CSMD1: variants seen among roughly 807,000 people sequenced by gnomAD.
CSMD1 encodes CUB and Sushi multiple domains 1.
A neutral mutation model predicts 417.5 loss-of-function variants in CSMD1; 213 were observed. The ratio of observed to expected loss-of-function variants is 0.51; its 90% CI spans 0.46 to 0.57. CSMD1 has a LOEUF of 0.57. Among genes scored for constraint, CSMD1 ranks in the 20% least tolerant of loss-of-function variants. CSMD1 has a pLI of 0.00. For synonymous variants in CSMD1, 2,862 were observed against 1,736.8 expected (o/e 1.65, Z -16.11); for missense variants, 6,923 against 4,529.7 (o/e 1.53, Z -15.17).
At chr8:3,060,184 C>T (rs570375353) in intron 49 of CSMD1, among the ~76,000 whole-genome samples, 3 of 145,404 alleles carry the variant, frequency 2.1e-5, no homozygotes, top group South Asian at 2.2e-4. Context: ...CTCACTCTGT[C>T]GCCCAGGCTG....
intron 12 of CSMD1, among the ~76,000 whole-genome samples, chr8:3,459,758 T>A (rs1315939964): frequency 2.0e-5 from 3 of 152,014 alleles, no homozygotes; most frequent in Admixed American, 1.3e-4. Flanking sequence ...TGCCGGCACA[T>A]GAACAGATTT....
chr8:3,066,316 A>G (rs964177630), intron 49 of CSMD1, among the ~76,000 whole-genome samples: 2 of 152,248 alleles, frequency 1.3e-5, no homozygotes, highest in African/African-American at 4.8e-5. Flanking sequence ...TGAAAATCTC[A>G]TAGTTTTAGC....
chr8:3,997,324 C>T (rs944506225), intron 5 of CSMD1, among the ~76,000 whole-genome samples: 3 of 152,162 alleles, frequency 2.0e-5, no homozygotes, highest in Admixed American at 6.5e-5. Context: ...ATCTTGTTTT[C>T]CTTTGTCTCT....
chr8:4,975,713 G>A (rs1014267309), intron 1 of CSMD1, among the ~76,000 whole-genome samples: 1 of 152,074 alleles, frequency 6.6e-6, no homozygotes, highest in Non-Finnish European at 1.5e-5. Context: ...AGCTCTTCAG[G>A]GTTTCATCTG....
chr8:3,862,974 G>A (rs901773418), intron 5 of CSMD1, among the ~76,000 whole-genome samples: 7 of 152,168 alleles, frequency 4.6e-5, no homozygotes, highest in African/African-American at 1.7e-4. Flanking sequence ...GGAGTCTGGA[G>A]ATTCCAATAT....
intron 2 of CSMD1, among the ~76,000 whole-genome samples, chr8:4,424,973 TAATC>T (rs2128942622): frequency 6.6e-6 from 1 of 152,080 alleles, no homozygotes; most frequent in East Asian, 1.9e-4. Flanking sequence ...AAGATTAAAA[TAATC>T]TAGTAACCAA....
chr8:4,969,344 A>G (rs960540790), intron 1 of CSMD1, among the ~76,000 whole-genome samples: 1 of 152,004 alleles, frequency 6.6e-6, no homozygotes, highest in Admixed American at 6.6e-5. Flanking sequence ...ATTTCCTTAT[A>G]TAATGAGGAA....
intron 7 of CSMD1, among the ~76,000 whole-genome samples, chr8:3,686,278 A>G (rs114217800): frequency 0.014 from 2,096 of 152,282 alleles, 46 homozygotes; most frequent in African/African-American, 0.047. Flanking sequence ...TAGGAAAGGC[A>G]GTGTCAAGAG....
At chr8:4,245,929 TA>T (rs1164539900) in intron 3 of CSMD1, among the ~76,000 whole-genome samples, 10 of 152,322 alleles carry the variant, frequency 6.6e-5, no homozygotes. Context: ...CTCAACTCAT[TA>T]AAATGACTTT....
chr8:4,192,878 C>G (rs1399692703), intron 3 of CSMD1, among the ~76,000 whole-genome samples: 5 of 152,158 alleles, frequency 3.3e-5, no homozygotes, highest in African/African-American at 7.2e-5. Context: ...CTTCTAGGAA[C>G]TTGATTCCAT....
At chr8:4,002,245 TTGTG>T (rs1408525379) in intron 4 of CSMD1, among the ~76,000 whole-genome samples, 1 of 151,816 alleles carries the variant, frequency 6.6e-6, no homozygotes, top group Non-Finnish European at 1.5e-5. Context: ...GTGCGTGTGT[TTGTG>T]TGTATGTGTG....
In CSMD1 at chr8:3,331,237, CAA is replaced by C. The variant is rs112278319; in HGVS notation, c.3631+12055_3631+12056del. On this transcript the variant is annotated intron_variant, in intron 23 of 69. Coordinates refer to ENST00000635120, the MANE Select transcript of CSMD1 (RefSeq NM_033225.6). ...TGGCCGACAGAACGAGACTCCGTCTCAAAAAAAAAAAAAAAGAAAAGCAACTT... is the reference window on the plus strand; with the variant it reads ...TGGCCGACAGAACGAGACTCCGTCTCAAAAAAAAAAAAAGAAAAGCAACTT... Among the ~76,000 whole-genome samples the C allele has an allele frequency of 7.8e-4, 100 of 128,474 alleles. 1 individual carries two copies. Among genetic ancestry groups the C allele is most frequent in the East Asian group, 1.3e-3 (6 of 4,598 alleles). 84.3% of individuals were successfully genotyped at this position (128,474 alleles called of 152,430 possible). A position where few individuals can be genotyped will look rare whatever the true frequency, so the allele number is the denominator to read the frequency against.
At chr8:3,542,341 T>C (rs965444781) in intron 10 of CSMD1, among the ~76,000 whole-genome samples, 1 of 152,256 alleles carries the variant, frequency 6.6e-6, no homozygotes, top group Non-Finnish European at 1.5e-5. Context: ...TCATTCAGAA[T>C]CTTCAATTCT....
At chr8:3,520,829 C>A (rs1016253239) in intron 10 of CSMD1, among the ~76,000 whole-genome samples, 1 of 152,144 alleles carries the variant, frequency 6.6e-6, no homozygotes, top group Admixed American at 6.6e-5. Flanking sequence ...ACATCAACAC[C>A]TCAAATACAA....
intron 1 of CSMD1, among the ~76,000 whole-genome samples, chr8:4,669,103 C>T (rs923878961): frequency 6.6e-6 from 1 of 152,184 alleles, no homozygotes; most frequent in Admixed American, 6.5e-5. Flanking sequence ...TTTACTTCAG[C>T]TTTAAAAAAT....
intron 2 of CSMD1, among the ~76,000 whole-genome samples, chr8:4,461,110 G>A (rs1433176310): frequency 1.3e-5 from 2 of 152,002 alleles, no homozygotes; most frequent in Admixed American, 1.3e-4. Context: ...CTTAGCATCT[G>A]AAAATCTAAC....
chr8:4,486,745 G>C (rs1392535763), intron 2 of CSMD1, among the ~76,000 whole-genome samples: 2 of 152,124 alleles, frequency 1.3e-5, no homozygotes, highest in Non-Finnish European at 2.9e-5. Flanking sequence ...ATGGAAGAAA[G>C]CCACTGCCTG....
chr8:4,570,072 C>T (rs2407628), intron 2 of CSMD1, among the ~76,000 whole-genome samples: 93,872 of 152,016 alleles, frequency 0.62, 29,346 homozygotes, highest in East Asian at 0.67. Context: ...TATACAATCA[C>T]GTCGTCTGCA....
At position 4,507,266 on chromosome 8, in the gene CSMD1, C is replaced by G. The variant is rs1167792420; in HGVS notation, c.303-87201G>C. 6.6e-4 allele frequency among the ~76,000 whole-genome samples: 100 copies of G among 152,154 alleles called. 2 individuals are homozygous for G. The highest frequency in any genetic ancestry group is 6.5e-3 in the Admixed American group (100 of 15,278). ...GTTAGCTCAGTATATTACTTATTTT[C>G]TCTAAAAACTATTTTCATTAAATTC... On this transcript the variant is annotated intron_variant, in intron 2 of 69. Coordinates refer to ENST00000635120, the MANE Select transcript of CSMD1 (RefSeq NM_033225.6).
Sources: allele counts gnomAD v4.1 joint callset (sites outside exome capture counted in the v4.1 genomes callset), GRCh38; gene constraint gnomAD v4.1.1; transcripts MANE v1.5; gene names NCBI Gene and HGNC (gene_info 2026-07-23, HGNC 2026-07-21).